AP2B1: variants seen among roughly 807,000 people sequenced by gnomAD.
AP2B1 encodes AP-2 complex subunit beta.
A neutral mutation model predicts 102.0 loss-of-function variants in AP2B1; 23 were observed. That is an observed-to-expected ratio of 0.23 (90% CI 0.16 to 0.32). The LOEUF (loss-of-function observed/expected upper bound fraction) is 0.32, where lower values mean the gene tolerates loss of function less well. Ranked by LOEUF, AP2B1 falls within the 10% of genes least tolerant of loss-of-function variation. The pLI is 1.00. For missense variants in AP2B1, 541 were observed against 1,157.4 expected (o/e 0.47, Z 7.73); for synonymous variants, 381 against 421.2 (o/e 0.90, Z 1.17).
rs978207002 is a variant in AP2B1 at position 35,659,921 on chromosome 17, G to A, written c.1989+2130G>A. 2.2e-5 allele frequency: 22 copies of A among 985,164 alleles called. No homozygotes were observed. The East Asian group carries it at 4.5e-4, about 20-fold the overall frequency. The allele number at this position is 985,164 out of a possible 1,614,324, so 61.0% of individuals were successfully genotyped here. ...CTCAGAGAATCAAGGTTCCTTTTTC[G>A]AGAACATCACAAGGAAGACCTAAAT... On this transcript the variant is annotated intron_variant, in intron 14 of 21. Coordinates refer to ENST00000610402, the MANE Select transcript of AP2B1 (RefSeq NM_001030006.2).
chr17:35,696,038 T>C (rs1428804415), intron 18 of AP2B1, among the ~76,000 whole-genome samples: 1 of 152,180 alleles, frequency 6.6e-6, no homozygotes, highest in Non-Finnish European at 1.5e-5. Flanking sequence ...TAACAGTTTC[T>C]AAGCAGAAAA....
chr17:35,597,225 G>A, intron 2 of AP2B1: 2 of 401,534 alleles, frequency 5.0e-6, no homozygotes, highest in South Asian at 5.4e-5. Context: ...GAGGCAGTAT[G>A]GTAGATGAGC....
chr17:35,719,813 T>TGGGACCCCATCAACAC (rs2085302126), intron 21 of AP2B1, among the ~76,000 whole-genome samples: 1 of 152,104 alleles, frequency 6.6e-6, no homozygotes, highest in Non-Finnish European at 1.5e-5. Flanking sequence ...CTGGTCAACA[T>TGGGACCCCATCAACAC]AGTGGGACCC....
At chr17:35,648,034 G>A (rs541840134) in intron 12 of AP2B1, among the ~76,000 whole-genome samples, 1 of 152,092 alleles carries the variant, frequency 6.6e-6, no homozygotes, top group African/African-American at 2.4e-5. Context: ...TGGGACTACA[G>A]GCATGAGCCA....
At chr17:35,642,752 G>A (rs2074818327) in intron 12 of AP2B1, among the ~76,000 whole-genome samples, 1 of 152,112 alleles carries the variant, frequency 6.6e-6, no homozygotes. Context: ...ATACTGGTGT[G>A]TAATCAAAAT....
In AP2B1 at chr17:35,650,605, AAAG is replaced by A. The variant is rs1444798464; in HGVS notation, c.1616_1618del (p.Glu539del). 6.2e-7 allele frequency: 1 copy of A among 1,614,176 alleles called. No homozygotes were observed. Among genetic ancestry groups the A allele is most frequent in the Non-Finnish European group, 8.5e-7 (1 of 1,180,022 alleles). On this transcript the variant is annotated inframe_deletion, in exon 13 of 22. Transcript: ENST00000610402. ...TCTCTCAACTGACCCTGTTACAGCT[AAAG>A]AAGTAGTCTTGTCTGAGAAGCCACT...
chr17:35,627,723 G>A lies in AP2B1; in HGVS notation c.1152G>A (p.Val384=). ...CCATTGGACGGTGTGCCATCAAGGTGGAGGCAAGTGTCTGATGGTAGTTAG... is the reference window on the plus strand; with the variant it reads ...CCATTGGACGGTGTGCCATCAAGGTAGAGGCAAGTGTCTGATGGTAGTTAG... ...VRAIGRCAIK[V]EQSAERCVST... Residue 384 remains valine (V), a synonymous_variant, in exon 9 of 22, where the codon GTG becomes GTA. Transcript: ENST00000610402. The A allele has an allele frequency of 6.2e-7, 1 of 1,613,840 alleles. No individual in the cohort carries two copies. Among genetic ancestry groups the A allele is most frequent in the Non-Finnish European group, 8.5e-7 (1 of 1,179,828 alleles).
intron 3 of AP2B1, among the ~76,000 whole-genome samples, chr17:35,604,569 C>CTAACGGT (rs1339434199): frequency 1.3e-5 from 2 of 151,958 alleles, no homozygotes; most frequent in Non-Finnish European, 2.9e-5. Flanking sequence ...ACTAGCCTGG[C>CTAACGGT]TAACATGGTG....
chr17:35,593,965 A>T (rs1050966294), intron 1 of AP2B1, 43 bp from the exon 2 acceptor site: 3 of 1,060,520 alleles, frequency 2.8e-6, no homozygotes, highest in African/African-American at 3.3e-5. Context: ...GCCTTGTTGG[A>T]TATCTATAAC....
intron 18 of AP2B1, among the ~76,000 whole-genome samples, chr17:35,701,384 T>C (rs1468631475): frequency 1.3e-5 from 2 of 152,198 alleles, no homozygotes; most frequent in African/African-American, 2.4e-5. Flanking sequence ...ATCAGTTTTA[T>C]TGAAAGGTAA....
At chr17:35,617,739 G>A (rs1395312362) in intron 5 of AP2B1, among the ~76,000 whole-genome samples, 4 of 152,130 alleles carry the variant, frequency 2.6e-5, no homozygotes, top group Non-Finnish European at 5.9e-5. Flanking sequence ...ATTTGGCTGG[G>A]GAATACTTTA....
chr17:35,634,962 T>C (rs1411516754), intron 9 of AP2B1, among the ~76,000 whole-genome samples: 1 of 152,016 alleles, frequency 6.6e-6, no homozygotes. Context: ...CCATCCAAGA[T>C]GGGTGTGTGT....
At chr17:35,596,117 CAT>C (rs2073263765) in intron 2 of AP2B1, among the ~76,000 whole-genome samples, 2 of 152,138 alleles carry the variant, frequency 1.3e-5, no homozygotes, top group South Asian at 4.1e-4. Flanking sequence ...GCCACTGAAA[CAT>C]ATTCTTTAAA....
At chr17:35,657,856 A>C (rs2075268247) in intron 14 of AP2B1, 65 bp downstream of exon 14, 1 of 1,464,114 alleles carries the variant, frequency 6.8e-7, no homozygotes, top group African/African-American at 1.4e-5. Flanking sequence ...GAGAGTTTTA[A>C]ATTATTCAGC....
intron 21 of AP2B1, among the ~76,000 whole-genome samples, chr17:35,721,771 A>G (rs1555593247): frequency 6.6e-6 from 1 of 152,156 alleles, no homozygotes; most frequent in Non-Finnish European, 1.5e-5. Flanking sequence ...AAAATACAAG[A>G]TAGTATTTTG....
chr17:35,636,273 T>C, intron 9 of AP2B1, 68 bp from the exon 10 acceptor site: 1 of 1,149,968 alleles, frequency 8.7e-7, no homozygotes, highest in Middle Eastern at 2.7e-4. Context: ...TGTTTCAAAA[T>C]TTTTATGTTG....
At chr17:35,714,221 C>T (rs1230581748) in intron 20 of AP2B1, among the ~76,000 whole-genome samples, 2 of 152,170 alleles carry the variant, frequency 1.3e-5, no homozygotes, top group African/African-American at 4.8e-5. Flanking sequence ...TTGCGGCTCT[C>T]CCCATCCTTT....
At chr17:35,656,636 CTGT>C (rs1486502422) in intron 13 of AP2B1, among the ~76,000 whole-genome samples, 57 of 152,322 alleles carry the variant, frequency 3.7e-4, no homozygotes, top group African/African-American at 1.3e-3. Flanking sequence ...TGGCTCACGC[CTGT>C]AATCCCAGCA....
intron 20 of AP2B1, among the ~76,000 whole-genome samples, chr17:35,711,888 C>A (rs868954514): frequency 1.3e-5 from 2 of 152,156 alleles, no homozygotes; most frequent in Admixed American, 1.3e-4. Flanking sequence ...CCTGTGATAC[C>A]TCTTTTAAAT....
Sources: allele counts gnomAD v4.1 joint callset (sites outside exome capture counted in the v4.1 genomes callset), GRCh38; gene constraint gnomAD v4.1.1; transcripts MANE v1.5; gene names NCBI Gene and HGNC (gene_info 2026-07-23, HGNC 2026-07-21).